The following EBF2 variants were observed in gnomAD, a reference collection of about 807,000 sequenced individuals.
The protein encoded by EBF2 is transcription factor COE2.
EBF2 carries 21 observed loss-of-function variants against 72.8 expected under a neutral mutation model. The observed-to-expected ratio is 0.29, with a 90% confidence interval of 0.20 to 0.42. The LOEUF is 0.42. EBF2 is among the 10% of genes least tolerant of loss of function. EBF2 has a pLI of 1.00. For missense variants in EBF2, 637 were observed against 731.2 expected (o/e 0.87, Z 1.49); for synonymous variants, 299 against 274.2 (o/e 1.09, Z -0.89).
intron 14 of EBF2, among the ~76,000 whole-genome samples, chr8:25,854,730 C>T (rs565772067): frequency 2.4e-4 from 36 of 151,882 alleles, no homozygotes; most frequent in South Asian, 6.2e-4. Context: ...GGTGGGAGTA[C>T]GCTTTCTTTT....
At chr8:25,910,367 C>CA (rs1258173034) in intron 6 of EBF2, among the ~76,000 whole-genome samples, 1 of 152,160 alleles carries the variant, frequency 6.6e-6, no homozygotes, top group East Asian at 1.9e-4. Context: ...CAACCACTCC[C>CA]AGCGGCAATT....
In EBF2 at chr8:26,027,114, C is replaced by T. The variant is rs75782516; in HGVS notation, c.551+5971G>A. 1.6e-3 allele frequency among the ~76,000 whole-genome samples: 250 copies of T among 152,240 alleles called. 2 individuals carry two copies. Among genetic ancestry groups the T allele is most frequent in the African/African-American group, 4.2e-3 (173 of 41,524 alleles). On this transcript the variant is annotated intron_variant, in intron 6 of 15. Coordinates refer to ENST00000520164, the MANE Select transcript of EBF2 (RefSeq NM_022659.4). ...AGGTAATGGTCACCTTGCAGACATA[C>T]GTCACCTTGTAGATATAAATCTCAC...
At chr8:25,914,756 C>G (rs905256467) in intron 6 of EBF2, among the ~76,000 whole-genome samples, 1 of 152,172 alleles carries the variant, frequency 6.6e-6, no homozygotes, top group Non-Finnish European at 1.5e-5. Flanking sequence ...TTTTTGTAAG[C>G]TGATGTTCTA....
Position 26,045,138 on chromosome 8 carries a change from G to A in EBF2, c.-279C>T. ...CTAGGTCGCTCGCATCCTTCCAGCT[G>A]CAGTGCTGCCTCCTGAAAGTGATCA... On this transcript the variant is annotated 5_prime_UTR_variant, in exon 1 of 16. It introduces an in-frame stop codon into an upstream open reading frame of the 5' UTR. Transcript: ENST00000520164. 3.3e-6 allele frequency: 1 copy of A among 299,408 alleles called. No homozygotes were observed. The highest frequency in any genetic ancestry group is 6.4e-6 in the Non-Finnish European group (1 of 156,400). 18.5% of individuals were successfully genotyped at this position (299,408 alleles called of 1,614,324 possible). A position where few individuals can be genotyped will look rare whatever the true frequency, so the allele number is the denominator to read the frequency against.
intron 6 of EBF2, among the ~76,000 whole-genome samples, chr8:25,937,420 A>T (rs1034930181): frequency 6.6e-6 from 1 of 152,194 alleles, no homozygotes. Flanking sequence ...TTCTCTCTGC[A>T]TTATATATTC....
rs201303928 is a variant in EBF2 at position 25,889,738 on chromosome 8, G to A, written c.751+14C>T. On this transcript the variant is annotated intron_variant, in intron 8 of 15. Coordinates refer to ENST00000520164, the MANE Select transcript of EBF2 (RefSeq NM_022659.4). ...ATTTCATGTGTCTGCTATGCTGAGC[G>A]CAGGCAGCCCTACCTTCCGATGGAT... 1.5e-4 allele frequency: 245 copies of A among 1,595,280 alleles called. No homozygotes were observed. In the African/African-American group the frequency reaches 2.7e-3, roughly 18 times the overall value.
At chr8:25,920,205 T>C (rs538177697) in intron 6 of EBF2, among the ~76,000 whole-genome samples, 28 of 152,354 alleles carry the variant, frequency 1.8e-4, no homozygotes, top group African/African-American at 6.7e-4. Context: ...GAAAAATCAT[T>C]TGAAAGTATT....
chr8:25,908,931 C>G (rs1053349452), intron 6 of EBF2, among the ~76,000 whole-genome samples: 3 of 152,110 alleles, frequency 2.0e-5, no homozygotes, highest in Non-Finnish European at 2.9e-5. Context: ...ATGGCAGGAC[C>G]CGGCCCCAGA....
chr8:25,869,779 C>G (rs1563382649), intron 10 of EBF2, among the ~76,000 whole-genome samples: 1 of 152,130 alleles, frequency 6.6e-6, no homozygotes, highest in Non-Finnish European at 1.5e-5. Flanking sequence ...ATTATTACCA[C>G]CATTAGGACG....
At position 26,042,076 on chromosome 8, in the gene EBF2, G is replaced by C. The variant is rs1231465960; in HGVS notation, c.288+19C>G. Reference sequence around the variant, plus strand: ...GGGAGTTATTAGGCCGCGGGGTTTGGGGGGTACTTTCCGCTTACTTTGTCA... The same window carrying C: ...GGGAGTTATTAGGCCGCGGGGTTTGCGGGGTACTTTCCGCTTACTTTGTCA... On this transcript the variant is annotated intron_variant, in intron 2 of 15. Transcript: ENST00000520164. 1 of 1,612,300 alleles carries C rather than the reference G, an allele frequency of 6.2e-7. No homozygotes were observed. Among genetic ancestry groups the C allele is most frequent in the Admixed American group, 1.7e-5 (1 of 59,914 alleles).
chr8:25,877,064 C>A (rs1230135768), intron 10 of EBF2, among the ~76,000 whole-genome samples: 2 of 152,166 alleles, frequency 1.3e-5, no homozygotes, highest in African/African-American at 4.8e-5. Flanking sequence ...GCTCATTTAC[C>A]CCCATGTCCT....
intron 10 of EBF2, among the ~76,000 whole-genome samples, chr8:25,872,771 C>G (rs1802462314): frequency 6.6e-6 from 1 of 152,210 alleles, no homozygotes; most frequent in South Asian, 2.1e-4. Flanking sequence ...AAGACAGACA[C>G]TGACTGGCAA....
chr8:25,842,491 C>T lies in EBF2; in HGVS notation c.*2118G>A, dbSNP rs1265045962. On this transcript the variant is annotated 3_prime_UTR_variant, in exon 16 of 16. Coordinates refer to ENST00000520164, the MANE Select transcript of EBF2 (RefSeq NM_022659.4). ...TCCTTATGTTGGATTGGCTCAAATC[C>T]AGGGCTAAACATGCTTAATTTTGCT... The T allele has an allele frequency of 1.3e-5, 2 of 152,276 alleles. No individual in the cohort carries two copies. Among genetic ancestry groups the T allele is most frequent in the African/African-American group, 4.8e-5 (2 of 41,550 alleles). 9.4% of individuals were successfully genotyped at this position (152,276 alleles called of 1,614,324 possible).
intron 10 of EBF2, among the ~76,000 whole-genome samples, chr8:25,877,196 G>C (rs1358345806): frequency 2.0e-5 from 3 of 152,176 alleles, no homozygotes; most frequent in Admixed American, 6.5e-5. Flanking sequence ...ACTGCCACCT[G>C]AAGTCAAGAC....
At chr8:26,024,219 C>T (rs977356853) in intron 6 of EBF2, among the ~76,000 whole-genome samples, 2 of 152,138 alleles carry the variant, frequency 1.3e-5, no homozygotes, top group Non-Finnish European at 2.9e-5. Flanking sequence ...CGAGGTATAG[C>T]CATCACCCCA....
intron 6 of EBF2, among the ~76,000 whole-genome samples, chr8:25,986,012 A>AAAAAAAAAAAAAAG: frequency 6.7e-6 from 1 of 148,886 alleles, no homozygotes; most frequent in Non-Finnish European, 1.5e-5. Flanking sequence ...AAAAAAAAAA[A>AAAAAAAAAAAAAAG]AAAAAAAAAA....
intron 6 of EBF2, among the ~76,000 whole-genome samples, chr8:25,983,768 G>A (rs1043680972): frequency 2.6e-5 from 4 of 152,212 alleles, no homozygotes; most frequent in Admixed American, 6.5e-5. Context: ...GTGCCCACCG[G>A]TGCATATGGA....
At chr8:26,035,565 T>C (rs977200559) in intron 5 of EBF2, among the ~76,000 whole-genome samples, 3 of 152,190 alleles carry the variant, frequency 2.0e-5, no homozygotes, top group Non-Finnish European at 2.9e-5. Flanking sequence ...TTCATGGGTG[T>C]GTGGATTCGC....
chr8:26,022,983 A>G (rs945611513), intron 6 of EBF2, among the ~76,000 whole-genome samples: 2 of 152,172 alleles, frequency 1.3e-5, no homozygotes, highest in African/African-American at 2.4e-5. Context: ...ATTCGCAAAC[A>G]AATCATCTAG....
Sources: allele counts gnomAD v4.1 joint callset (sites outside exome capture counted in the v4.1 genomes callset), GRCh38; gene constraint gnomAD v4.1.1; transcripts MANE v1.5; gene names NCBI Gene and HGNC (gene_info 2026-07-23, HGNC 2026-07-21).